GRM5: variants seen among roughly 807,000 people sequenced by gnomAD.
The protein encoded by GRM5 is glutamate metabotropic receptor 5, also known as metabotropic glutamate receptor 5.
Under a neutral mutation model 83.1 loss-of-function variants are expected in GRM5, and 19 were observed. The ratio of observed to expected loss-of-function variants is 0.23; its 90% CI spans 0.16 to 0.34. The LOEUF (loss-of-function observed/expected upper bound fraction) is 0.34, where lower values mean the gene tolerates loss of function less well. GRM5 is among the 10% of genes least tolerant of loss of function. The probability of loss-of-function intolerance (pLI) is 1.00; values close to 1 mark genes in which losing one functional copy is unlikely to be tolerated. For synonymous variants in GRM5, 675 were observed against 633.6 expected, an observed-to-expected ratio of 1.07 and a Z score of -0.98; for missense variants, 1,160 against 1,588.3, an observed-to-expected ratio of 0.73 and a Z score of 4.58.
At chr11:89,009,918 A>AAAAAAAAAAAAAAAC (rs1940646121) in intron 2 of GRM5, among the ~76,000 whole-genome samples, 2 of 136,184 alleles carry the variant, frequency 1.5e-5, no homozygotes, top group African/African-American at 6.4e-5. Context: ...AAAAAAAAAA[A>AAAAAAAAAAAAAAAC]AAAAAAAAAA....
At chr11:88,863,476 C>G (rs1344933136) in intron 2 of GRM5, among the ~76,000 whole-genome samples, 1 of 151,936 alleles carries the variant, frequency 6.6e-6, no homozygotes, top group Non-Finnish European at 1.5e-5. Context: ...ATGGACTAAG[C>G]TGGAAGCCAT....
intron 2 of GRM5, among the ~76,000 whole-genome samples, chr11:89,015,371 C>T (rs1265841856): frequency 6.6e-6 from 1 of 152,180 alleles, no homozygotes; most frequent in East Asian, 1.9e-4. Flanking sequence ...TGGTGGCACT[C>T]GCAGGGTATC....
At chr11:88,955,174 G>C (rs1938571210) in intron 2 of GRM5, among the ~76,000 whole-genome samples, 1 of 152,154 alleles carries the variant, frequency 6.6e-6, no homozygotes. Context: ...TGAGTAACTT[G>C]TTCAGTTACA....
At chr11:89,025,592 A>T (rs1388307075) in intron 2 of GRM5, among the ~76,000 whole-genome samples, 1 of 152,200 alleles carries the variant, frequency 6.6e-6, no homozygotes, top group African/African-American at 2.4e-5. Flanking sequence ...TAAGTCACAA[A>T]GGAAGGTGCA....
At chr11:88,543,283 A>G (rs1005898174) in intron 8 of GRM5, among the ~76,000 whole-genome samples, 1 of 152,204 alleles carries the variant, frequency 6.6e-6, no homozygotes, top group Non-Finnish European at 1.5e-5. Flanking sequence ...TCTTTCTCAC[A>G]TGGGGCCTTG....
chr11:88,756,799 C>CA (rs1192604687), intron 3 of GRM5, among the ~76,000 whole-genome samples: 1 of 151,872 alleles, frequency 6.6e-6, no homozygotes, highest in Non-Finnish European at 1.5e-5. Context: ...ATCTGTAGGA[C>CA]AATATCAAGT....
At chr11:89,026,638 G>C (rs1429032141) in intron 2 of GRM5, among the ~76,000 whole-genome samples, 4 of 152,058 alleles carry the variant, frequency 2.6e-5, no homozygotes, top group Non-Finnish European at 5.9e-5. Flanking sequence ...AATAAAATGA[G>C]ATTCTATATA....
chr11:88,770,840 G>C (rs968500174), intron 3 of GRM5, among the ~76,000 whole-genome samples: 1 of 152,112 alleles, frequency 6.6e-6, no homozygotes, highest in African/African-American at 2.4e-5. Flanking sequence ...GTACAATCAT[G>C]TGATAATGTA....
intron 2 of GRM5, among the ~76,000 whole-genome samples, chr11:88,892,963 G>A (rs1174333803): frequency 1.3e-5 from 2 of 151,902 alleles, no homozygotes; most frequent in Non-Finnish European, 2.9e-5. Context: ...ATCTTGGCAG[G>A]TAAAACTTTA....
At chr11:88,728,765 G>A (rs995497626) in intron 3 of GRM5, among the ~76,000 whole-genome samples, 2 of 152,048 alleles carry the variant, frequency 1.3e-5, no homozygotes, top group African/African-American at 4.8e-5. Context: ...CAGAACCAGT[G>A]ACAAAAACCA....
chr11:88,949,052 T>A (rs1440023992), intron 2 of GRM5, among the ~76,000 whole-genome samples: 1 of 152,208 alleles, frequency 6.6e-6, no homozygotes, highest in African/African-American at 2.4e-5. Flanking sequence ...ACTGTCTAGA[T>A]AGAAGGTTGA....
intron 8 of GRM5, among the ~76,000 whole-genome samples, chr11:88,547,293 T>C (rs1378141512): frequency 6.6e-6 from 1 of 152,152 alleles, no homozygotes; most frequent in Non-Finnish European, 1.5e-5. Flanking sequence ...AGCTATCTAG[T>C]TGTCATTTGT....
In GRM5 at chr11:88,808,982, C is replaced by T. The variant is rs1266039060; in HGVS notation, c.911+40924G>A. Among the ~76,000 whole-genome samples, 6 of 152,018 alleles carry T rather than the reference C, an allele frequency of 3.9e-5. No homozygotes were observed. The East Asian group carries it at 7.7e-4, about 19-fold the overall frequency. The stretch of plus-strand genomic sequence containing the variant: ...TTGTATATCCATGGGGAAGAATAGA[C>T]AGAATCTAACAATCCACTTCCTTTA... On this transcript the variant is annotated intron_variant, in intron 3 of 9. Coordinates refer to ENST00000305447, the MANE Select transcript of GRM5 (RefSeq NM_001143831.3).
intron 8 of GRM5, among the ~76,000 whole-genome samples, chr11:88,531,095 A>G (rs1941997555): frequency 6.6e-6 from 1 of 152,136 alleles, no homozygotes. Flanking sequence ...ATGAGTCTAA[A>G]TTCAGTCAGA....
chr11:88,946,580 G>T (rs1267923082), intron 2 of GRM5, among the ~76,000 whole-genome samples: 1 of 151,984 alleles, frequency 6.6e-6, no homozygotes, highest in Admixed American at 6.6e-5. Flanking sequence ...ATCAAATATT[G>T]CATGTTTTCA....
At chr11:88,714,443 T>A (rs1941355229) in intron 3 of GRM5, among the ~76,000 whole-genome samples, 1 of 151,982 alleles carries the variant, frequency 6.6e-6, no homozygotes, top group Non-Finnish European at 1.5e-5. Flanking sequence ...TCATTCATGG[T>A]AAAAATGGGG....
chr11:88,703,319 T>G (rs1941078599), intron 3 of GRM5, among the ~76,000 whole-genome samples: 1 of 152,086 alleles, frequency 6.6e-6, no homozygotes, highest in African/African-American at 2.4e-5. Flanking sequence ...TACTATACTC[T>G]AAAGAATAAT....
intron 4 of GRM5, among the ~76,000 whole-genome samples, chr11:88,647,525 C>T (rs1342863183): frequency 1.3e-5 from 2 of 151,976 alleles, no homozygotes; most frequent in African/African-American, 4.8e-5. Context: ...AAGACTTAAA[C>T]GTTAGACCTA....
intron 2 of GRM5, among the ~76,000 whole-genome samples, chr11:88,898,797 C>G (rs1227354952): frequency 2.6e-5 from 4 of 151,936 alleles, no homozygotes; most frequent in Non-Finnish European, 5.9e-5. Flanking sequence ...ATTTATCTAT[C>G]TGGCTTGCTA....
Sources: gnomAD v4.1 joint callset for allele counts (sites outside exome capture counted in the v4.1 genomes callset) on GRCh38, gnomAD v4.1.1 for gene constraint, MANE v1.5 for transcripts, NCBI Gene and HGNC (gene_info 2026-07-23, HGNC 2026-07-21) for gene names.